The following NAALADL2 variants were observed in gnomAD, a reference collection of about 807,000 sequenced individuals.
NAALADL2 encodes inactive N-acetylated-alpha-linked acidic dipeptidase-like protein 2.
NAALADL2 carries 76 observed loss-of-function variants against 87.2 expected under a neutral mutation model. That is an observed-to-expected ratio of 0.87 (90% confidence interval 0.72 to 1.05). The LOEUF is 1.05. Among genes scored for constraint, NAALADL2 ranks in the 50% least tolerant of loss-of-function variants. The pLI is 0.00. For synonymous variants in NAALADL2, 354 were observed against 331.0 expected (o/e 1.07, Z -0.75); for missense variants, 1,089 against 945.8 (o/e 1.15, Z -1.99).
At chr3:174,829,343 C>T (rs1722363876) in intron 3 of NAALADL2, among the ~76,000 whole-genome samples, 1 of 150,466 alleles carries the variant, frequency 6.6e-6, no homozygotes. Context: ...TCAATTCCCA[C>T]CTATGAGTGA....
At chr3:174,644,025 T>C (rs61592619) in intron 2 of NAALADL2, among the ~76,000 whole-genome samples, 5,869 of 152,312 alleles carry the variant, frequency 0.039, 412 homozygotes, top group African/African-American at 0.13. Flanking sequence ...TGTATAATTT[T>C]GTTTTATTTT....
chr3:175,538,076 G>C (rs1711578860), intron 9 of NAALADL2, among the ~76,000 whole-genome samples: 1 of 152,132 alleles, frequency 6.6e-6, no homozygotes, highest in Admixed American at 6.5e-5. Flanking sequence ...TTGTTGCCAT[G>C]TGGTTTAATT....
At chr3:174,975,101 T>C (rs1744199372) in intron 1 of NAALADL2, among the ~76,000 whole-genome samples, 1 of 152,160 alleles carries the variant, frequency 6.6e-6, no homozygotes, top group Non-Finnish European at 1.5e-5. Flanking sequence ...TGTCTTTACT[T>C]AATATAGGAA....
rs1326356742 is a variant in NAALADL2, at chr3:175,783,341, T to C, written c.2190-19664T>C. Among the ~76,000 whole-genome samples the C allele has an allele frequency of 1.1e-3, 168 of 151,946 alleles. 1 individual carries two copies. The highest frequency in any genetic ancestry group is 1.6e-3 in the African/African-American group (66 of 41,324). On this transcript the variant is annotated intron_variant, in intron 13 of 13. Transcript: ENST00000454872. ...TACTGATTCTTCCTACCCATGAGCA[T>C]GGAATGTTCTTCCATTTGTTTGTAT...
intron 2 of NAALADL2, among the ~76,000 whole-genome samples, chr3:174,677,389 T>G (rs1018461245): frequency 2.0e-5 from 3 of 152,102 alleles, no homozygotes; most frequent in Non-Finnish European, 4.4e-5. Flanking sequence ...TGTTTCATCA[T>G]GCGAATATAC....
chr3:175,102,585 T>C (rs1722396922), intron 2 of NAALADL2, among the ~76,000 whole-genome samples: 1 of 152,140 alleles, frequency 6.6e-6, no homozygotes, highest in Non-Finnish European at 1.5e-5. Flanking sequence ...TTTCTCTTAC[T>C]AGACACATTT....
intron 2 of NAALADL2, among the ~76,000 whole-genome samples, chr3:174,602,908 G>A (rs577927868): frequency 1.3e-5 from 2 of 151,878 alleles, no homozygotes; most frequent in Non-Finnish European, 2.9e-5. Flanking sequence ...TCTTCATTCT[G>A]TTGATGTAAT....
chr3:174,920,808 T>C (rs561515734), intron 1 of NAALADL2, among the ~76,000 whole-genome samples: 2 of 152,338 alleles, frequency 1.3e-5, no homozygotes, highest in South Asian at 2.1e-4. Flanking sequence ...AAGTAAGATA[T>C]ATGTTACTCT....
chr3:175,235,169 T>G (rs1466365676), intron 3 of NAALADL2: 1 of 152,276 alleles, frequency 6.6e-6, no homozygotes, highest in East Asian at 1.9e-4. Flanking sequence ...GAATCTAACT[T>G]ATTATTAACT....
In NAALADL2 at chr3:175,673,559, A is replaced by G. The variant is rs574213313; in HGVS notation, c.1896+46173A>G. Among the ~76,000 whole-genome samples, 7 of 124,460 alleles carry G rather than the reference A, an allele frequency of 5.6e-5. No homozygotes were observed. The South Asian group carries it at 1.5e-3, about 27-fold the overall frequency. 81.7% of individuals were successfully genotyped at this position (124,460 alleles called of 152,430 possible). A position where few individuals can be genotyped will look rare whatever the true frequency, so the allele number is the denominator to read the frequency against. Reference sequence around the variant, plus strand: ...TTTGTATTTTTTGTGTGTAAATTTGACAAAAATCACTAAAATGATTTTAAC... The same window carrying G: ...TTTGTATTTTTTGTGTGTAAATTTGGCAAAAATCACTAAAATGATTTTAAC... On this transcript the variant is annotated intron_variant, in intron 11 of 13. Transcript: ENST00000454872.
rs189731110 is a variant in NAALADL2, at chr3:175,750,602, A to G, written c.1991-4618A>G. 4.6e-5 allele frequency among the ~76,000 whole-genome samples: 7 copies of G among 152,250 alleles called. No homozygotes were observed. In the East Asian group the frequency reaches 1.4e-3, roughly 29 times the overall value. On this transcript the variant is annotated intron_variant, in intron 12 of 13. Coordinates refer to ENST00000454872, the MANE Select transcript of NAALADL2 (RefSeq NM_207015.3). ...GACATTAATAATGTTTAAAAATGGA[A>G]CACTCTCCCTCAATTGCTTTAATGT...
At chr3:174,465,542 G>T (rs1180395364) in intron 1 of NAALADL2, among the ~76,000 whole-genome samples, 1 of 152,060 alleles carries the variant, frequency 6.6e-6, no homozygotes, top group South Asian at 2.1e-4. Flanking sequence ...TAGTTGTTAG[G>T]TTTGAATTAT....
intron 11 of NAALADL2, among the ~76,000 whole-genome samples, chr3:175,629,423 G>T (rs2149722172): frequency 6.7e-6 from 1 of 150,034 alleles, no homozygotes; most frequent in Middle Eastern, 3.5e-3. Context: ...ATATATATTT[G>T]TTCACATATT....
At chr3:175,355,125 G>A (rs1006293835) in intron 5 of NAALADL2, among the ~76,000 whole-genome samples, 1 of 150,476 alleles carries the variant, frequency 6.6e-6, no homozygotes, top group Admixed American at 6.7e-5. Context: ...CTGGAGTGCA[G>A]TTGCATGATC....
intron 4 of NAALADL2, among the ~76,000 whole-genome samples, chr3:175,280,947 C>G (rs1754217830): frequency 6.6e-6 from 1 of 151,950 alleles, no homozygotes. Flanking sequence ...AAAAATGTCT[C>G]TCCATTAGCT....
chr3:174,738,655 T>C (rs1733459979), intron 3 of NAALADL2, among the ~76,000 whole-genome samples: 1 of 152,136 alleles, frequency 6.6e-6, no homozygotes, highest in South Asian at 2.1e-4. Flanking sequence ...AGGGTTGAAT[T>C]TGGCCTTGAG....
intron 2 of NAALADL2, among the ~76,000 whole-genome samples, chr3:175,209,133 G>A (rs1741397517): frequency 6.6e-6 from 1 of 152,052 alleles, no homozygotes; most frequent in African/African-American, 2.4e-5. Flanking sequence ...AGGTGTAGTA[G>A]GGAAAAGAAC....
chr3:174,892,921 C>CAAAAAAA (rs35081771), intron 1 of NAALADL2, among the ~76,000 whole-genome samples: 3 of 108,542 alleles, frequency 2.8e-5, no homozygotes, highest in African/African-American at 3.4e-5. Context: ...GACTCCAACT[C>CAAAAAAA]AAAAAAAAAA....
At chr3:175,417,821 G>C (rs1436068110) in intron 5 of NAALADL2, among the ~76,000 whole-genome samples, 2 of 152,142 alleles carry the variant, frequency 1.3e-5, no homozygotes, top group Non-Finnish European at 2.9e-5. Flanking sequence ...TATAAACACT[G>C]TGACGTGACA....
Sources: allele counts gnomAD v4.1 joint callset (sites outside exome capture counted in the v4.1 genomes callset), GRCh38; gene constraint gnomAD v4.1.1; transcripts MANE v1.5; gene names NCBI Gene and HGNC (gene_info 2026-07-23, HGNC 2026-07-21).